USP5: variants seen among roughly 807,000 people sequenced by gnomAD.
The protein encoded by USP5 is ubiquitin carboxyl-terminal hydrolase 5.
USP5 carries 24 observed loss-of-function variants against 102.5 expected under a neutral mutation model. The ratio of observed to expected loss-of-function variants is 0.23; its 90% CI spans 0.17 to 0.33. USP5 has a LOEUF of 0.33. Among genes scored for constraint, USP5 ranks in the 10% least tolerant of loss-of-function variants. The pLI is 1.00. For missense variants in USP5, 753 were observed against 1,122.1 expected (o/e 0.67, Z 4.70); for synonymous variants, 460 against 434.8 (o/e 1.06, Z -0.72).
At position 6,862,468 on chromosome 12, in the gene USP5, A is replaced by T; in HGVS notation, c.1674-2A>T. The T allele has an allele frequency of 6.2e-7, 1 of 1,613,782 alleles. No homozygotes were observed. The highest frequency in any genetic ancestry group is 8.5e-7 in the Non-Finnish European group (1 of 1,179,676). Reference sequence around the variant, plus strand: ...GGTACCAGCACAGTCTCTCTTCCCTAGGACCACACGATTTGCCTCATTCCC... The same window carrying T: ...GGTACCAGCACAGTCTCTCTTCCCTTGGACCACACGATTTGCCTCATTCCC... On this transcript the variant is annotated splice_acceptor_variant, in intron 13 of 19. Coordinates refer to ENST00000229268, the MANE Select transcript of USP5 (RefSeq NM_001098536.2). LOFTEE classifies it high-confidence loss of function.
Position 6,856,819 on chromosome 12 carries a change from G to A in USP5, c.697G>A (p.Ala233Thr), listed in dbSNP as rs1944128262. 3 of 1,614,062 alleles carry A rather than the reference G, an allele frequency of 1.9e-6. No individual in the cohort carries two copies. The highest frequency in any genetic ancestry group is 1.3e-5 in the African/African-American group (1 of 74,922). ...CGATGGCAGTGGGGGCAACAACCAC[G>A]CTGTGGAGCACTACCGAGAGACAGG... The part of the protein sequence containing the change: ...YFDGSGGNNH[A>T]VEHYRETGYP... The change falls in exon 6 of 20, where the codon GCT becomes ACT. Residue 233 changes from alanine (A) to threonine (T), a missense_variant. By Grantham distance (58) the Ala-to-Thr change is moderately conservative. Coordinates refer to ENST00000229268, the MANE Select transcript of USP5 (RefSeq NM_001098536.2). The surrounding 1 kb of genome is among the most constrained non-coding windows in gnomAD (Gnocchi z 5.6).
intron 14 of USP5, among the ~76,000 whole-genome samples, chr12:6,862,820 T>C (rs1463072545): frequency 6.6e-6 from 1 of 152,248 alleles, no homozygotes; most frequent in Non-Finnish European, 1.5e-5. Flanking sequence ...TTTGATAATC[T>C]TGAAACAATT....
chr12:6,854,262 T>C (rs996837048), intron 1 of USP5, among the ~76,000 whole-genome samples: 1 of 152,132 alleles, frequency 6.6e-6, no homozygotes, highest in Non-Finnish European at 1.5e-5. Flanking sequence ...AGGGATCTTA[T>C]TGGTCGGAGG....
intron 1 of USP5, among the ~76,000 whole-genome samples, chr12:6,854,619 A>T (rs1407823093): frequency 1.3e-5 from 2 of 151,070 alleles, no homozygotes; most frequent in African/African-American, 2.4e-5. Context: ...AAATCTAGGC[A>T]TGGTGGCATG....
Position 6,863,716 on chromosome 12 carries a change from T to G in USP5, c.1955-114T>G. The G allele has an allele frequency of 7.0e-7, 1 of 1,428,122 alleles. No individual in the cohort carries two copies. Among genetic ancestry groups the G allele is most frequent in the South Asian group, 1.5e-5 (1 of 68,958 alleles). 88.5% of individuals were successfully genotyped at this position (1,428,122 alleles called of 1,614,324 possible). Reference sequence around the variant, plus strand: ...GGTTTTGGGATAAGGTGCCAATCCATGGGAGAAAAATGCATGGAATGGGTG... The same window carrying G: ...GGTTTTGGGATAAGGTGCCAATCCAGGGGAGAAAAATGCATGGAATGGGTG... On this transcript the variant is annotated intron_variant, in intron 15 of 19. Transcript: ENST00000229268. The surrounding 1 kb of genome is among the most constrained non-coding windows in gnomAD (Gnocchi z 4.7).
chr12:6,852,828 CAG>C (rs1249079472), intron 1 of USP5, among the ~76,000 whole-genome samples: 21 of 152,084 alleles, frequency 1.4e-4, no homozygotes, highest in African/African-American at 1.9e-4. Context: ...TTAAAACAGA[CAG>C]GGGGCGGGGA....
At position 6,855,837 on chromosome 12, in the gene USP5, G is replaced by C; in HGVS notation, c.304+16G>C. The C allele has an allele frequency of 6.2e-7, 1 of 1,614,160 alleles. No individual in the cohort carries two copies. Among genetic ancestry groups the C allele is most frequent in the East Asian group, 2.2e-5 (1 of 44,878 alleles). Reference sequence around the variant, plus strand: ...CTGGCTATTGGTGAGCACCGCTGCAGTCCTATTCTTCTCCCTGAGCTGGTC... The same window carrying C: ...CTGGCTATTGGTGAGCACCGCTGCACTCCTATTCTTCTCCCTGAGCTGGTC... On this transcript the variant is annotated intron_variant, in intron 3 of 19. Coordinates refer to ENST00000229268, the MANE Select transcript of USP5 (RefSeq NM_001098536.2). The surrounding 1 kb of genome is among the most constrained non-coding windows in gnomAD (Gnocchi z 4.6).
chr12:6,866,293 C>T lies in USP5; in HGVS notation c.*216C>T, dbSNP rs1944443739. ...GGAGCAGGACGGGGACGGGAGGGGC[C>T]GGCCACCTGTCTGTAAGGAGACTTT... On this transcript the variant is annotated 3_prime_UTR_variant, in exon 20 of 20. Transcript: ENST00000229268. This position sits in a 1 kb window ranked among gnomAD's most constrained non-coding sequence, Gnocchi z 4.7. The T allele has an allele frequency of 3.7e-6, 2 of 539,640 alleles. No individual in the cohort carries two copies. Among genetic ancestry groups the T allele is most frequent in the East Asian group, 2.9e-5 (1 of 34,416 alleles). The allele number at this position is 539,640 out of a possible 1,614,324, so 33.4% of individuals were successfully genotyped here.
Position 6,866,128 on chromosome 12 carries a change from G to A in USP5, c.*51G>A, listed in dbSNP as rs142385593. 4.5e-4 allele frequency: 683 copies of A among 1,530,904 alleles called. No individual in the cohort carries two copies. The highest frequency in any genetic ancestry group is 5.4e-4 in the Non-Finnish European group (596 of 1,105,098). The allele number at this position is 1,530,904 out of a possible 1,614,324, so 94.8% of individuals were successfully genotyped here. A position where few individuals can be genotyped will look rare whatever the true frequency, so the allele number is the denominator to read the frequency against. ...AGGGCAGGGGAAGACCACCTGGCAT[G>A]AGGGAGAGGGGCTGAGGGATGGACT... On this transcript the variant is annotated 3_prime_UTR_variant, in exon 20 of 20. Transcript: ENST00000229268. This position sits in a 1 kb window ranked among gnomAD's most constrained non-coding sequence, Gnocchi z 4.7.
rs782661625 is a variant in USP5 at position 6,856,788 on chromosome 12, C to T, written c.666C>T (p.Arg222=). Residue 222 remains arginine, a synonymous_variant, in exon 6 of 20, where the codon CGC becomes CGT. Coordinates refer to ENST00000229268, the MANE Select transcript of USP5 (RefSeq NM_001098536.2). This position sits in a 1 kb window ranked among gnomAD's most constrained non-coding sequence, Gnocchi z 5.6. Reference sequence around the variant, plus strand: ...ATGGCTCCATCCTCTGTGGGCGACGCTACTTCGATGGCAGTGGGGGCAACA... The same window carrying T: ...ATGGCTCCATCCTCTGTGGGCGACGTTACTTCGATGGCAGTGGGGGCAACA... The part of the protein sequence containing the change: ...LTDGSILCGR[R]YFDGSGGNNH... 6.2e-7 allele frequency: 1 copy of T among 1,614,196 alleles called. No homozygotes were observed. The highest frequency in any genetic ancestry group is 1.1e-5 in the South Asian group (1 of 91,086).
At position 6,862,506 on chromosome 12, in the gene USP5, C is replaced by T. The variant is rs1555129788; in HGVS notation, c.1710C>T (p.Val570=). 3 of 1,614,198 alleles carry T rather than the reference C, an allele frequency of 1.9e-6. No homozygotes were observed. In the Admixed American group the frequency reaches 5.0e-5, roughly 27 times the overall value. The change falls in exon 14 of 20, where the codon GTC becomes GTT. Residue 570 remains valine (V), a synonymous_variant. Coordinates refer to ENST00000229268, the MANE Select transcript of USP5 (RefSeq NM_001098536.2). ...TRFASFPDYL[V]IQIKKFTFGL... Reference sequence around the variant, plus strand: ...TTGCCTCATTCCCTGACTACCTGGTCATCCAGATCAAGAAGTTCACCTTCG... The same window carrying T: ...TTGCCTCATTCCCTGACTACCTGGTTATCCAGATCAAGAAGTTCACCTTCG...
chr12:6,855,718 G>A lies in USP5; in HGVS notation c.238-37G>A. On this transcript the variant is annotated intron_variant, in intron 2 of 19. Transcript: ENST00000229268. This position sits in a 1 kb window ranked among gnomAD's most constrained non-coding sequence, Gnocchi z 4.6. ...CCTCCCGACTTGTTCCTTCGCTCGTGCTCATTGCTGATCCAGCCCTTCCTG... is the reference window on the plus strand; with the variant it reads ...CCTCCCGACTTGTTCCTTCGCTCGTACTCATTGCTGATCCAGCCCTTCCTG... 2 of 1,613,570 alleles carry A rather than the reference G, an allele frequency of 1.2e-6. No individual in the cohort carries two copies. The highest frequency in any genetic ancestry group is 1.3e-5 in the African/African-American group (1 of 75,038).
At position 6,858,839 on chromosome 12, in the gene USP5, C is replaced by G. The variant is rs144110837; in HGVS notation, c.1058+222C>G. The G allele has an allele frequency of 4.5e-6, 2 of 439,868 alleles. No individual in the cohort carries two copies. Among genetic ancestry groups the G allele is most frequent in the Non-Finnish European group, 8.2e-6 (2 of 243,458 alleles). The allele number at this position is 439,868 out of a possible 1,614,324, so 27.2% of individuals were successfully genotyped here. On this transcript the variant is annotated intron_variant, in intron 8 of 19. Transcript: ENST00000229268. This position sits in a 1 kb window ranked among gnomAD's most constrained non-coding sequence, Gnocchi z 4.2. ...GTTGAGACCAGCCTGGGCAACATAGCGAGACCCTGTCTTCTCTTAAAAAAA... is the reference window on the plus strand; with the variant it reads ...GTTGAGACCAGCCTGGGCAACATAGGGAGACCCTGTCTTCTCTTAAAAAAA...
chr12:6,858,322 T>G lies in USP5; in HGVS notation c.865-102T>G, dbSNP rs987511335. 4 of 1,277,496 alleles carry G rather than the reference T, an allele frequency of 3.1e-6. No homozygotes were observed. Among genetic ancestry groups the G allele is most frequent in the Non-Finnish European group, 4.3e-6 (4 of 926,690 alleles). The allele number at this position is 1,277,496 out of a possible 1,614,324, so 79.1% of individuals were successfully genotyped here. A position where few individuals can be genotyped will look rare whatever the true frequency, so the allele number is the denominator to read the frequency against. On this transcript the variant is annotated intron_variant, in intron 7 of 19. Coordinates refer to ENST00000229268, the MANE Select transcript of USP5 (RefSeq NM_001098536.2). The surrounding 1 kb of genome is among the most constrained non-coding windows in gnomAD (Gnocchi z 4.2). Reference sequence around the variant, plus strand: ...TGTTTGAGCCTGTAATTCCACAAATTCTAGGCCACAGTTGAGTATCATCCT... The same window carrying G: ...TGTTTGAGCCTGTAATTCCACAAATGCTAGGCCACAGTTGAGTATCATCCT...
At chr12:6,857,490 C>T in intron 6 of USP5, 139 bp from the exon 7 acceptor site, 1 of 671,702 alleles carries the variant, frequency 1.5e-6, no homozygotes. Flanking sequence ...TCATATTACT[C>T]ATATTCAAGG....
Position 6,856,483 on chromosome 12 carries a change from C to T in USP5, c.584+33C>T, listed in dbSNP as rs1201563596. On this transcript the variant is annotated intron_variant, in intron 5 of 19. Coordinates refer to ENST00000229268, the MANE Select transcript of USP5 (RefSeq NM_001098536.2). The surrounding 1 kb of genome is among the most constrained non-coding windows in gnomAD (Gnocchi z 5.6). Reference sequence around the variant, plus strand: ...CTGGCCCCTCTGCCTCGGGCACCACCCCCAGAGCAAGGACAAGGAGCCCAC... The same window carrying T: ...CTGGCCCCTCTGCCTCGGGCACCACTCCCAGAGCAAGGACAAGGAGCCCAC... The T allele has an allele frequency of 6.3e-7, 1 of 1,585,142 alleles. No homozygotes were observed. Among genetic ancestry groups the T allele is most frequent in the East Asian group, 2.2e-5 (1 of 44,672 alleles).
Position 6,864,842 on chromosome 12 carries a change from C to T in USP5, c.2365C>T (p.Pro789Ser). 6.2e-7 allele frequency: 1 copy of T among 1,613,874 alleles called. No homozygotes were observed. Among genetic ancestry groups the T allele is most frequent in the Non-Finnish European group, 8.5e-7 (1 of 1,180,016 alleles). ...SAADSISESVPVGPKVRDGPG... is the reference protein window; with the variant it reads ...SAADSISESVSVGPKVRDGPG... ...TGCCGACTCCATCTCTGAGTCTGTG[C>T]CAGTGGGACCTAAAGTCCGGGATGG... is the stretch of plus-strand genomic sequence containing the variant. The change falls in exon 18 of 20, where the codon CCA becomes TCA. Residue 789 changes from proline (P) to serine (S), a missense_variant. Physicochemically the swap from Pro to Ser is moderately conservative, Grantham distance 74. Around this residue, in one of 3 missense-constraint regions of USP5, gnomAD observed 193 missense variants for 230.2 expected, o/e 0.84. Coordinates refer to ENST00000229268, the MANE Select transcript of USP5 (RefSeq NM_001098536.2). The surrounding 1 kb of genome is among the most constrained non-coding windows in gnomAD (Gnocchi z 4.8).
chr12:6,861,149 A>G lies in USP5; in HGVS notation c.1498+43A>G, dbSNP rs781970895. 1.9e-6 allele frequency: 3 copies of G among 1,610,270 alleles called. No homozygotes were observed. Among genetic ancestry groups the G allele is most frequent in the Admixed American group, 3.3e-5 (2 of 59,830 alleles). On this transcript the variant is annotated intron_variant, in intron 12 of 19. Coordinates refer to ENST00000229268, the MANE Select transcript of USP5 (RefSeq NM_001098536.2). The surrounding 1 kb of genome is among the most constrained non-coding windows in gnomAD (Gnocchi z 4.9). ...CAAGGCCGTGGCACGGTGGGAGGCT[A>G]AGGTCTAGGAGGAATGCTTGGGCAC...
At position 6,855,295 on chromosome 12, in the gene USP5, A is replaced by T; in HGVS notation, c.112-106A>T. On this transcript the variant is annotated intron_variant, in intron 1 of 19. Coordinates refer to ENST00000229268, the MANE Select transcript of USP5 (RefSeq NM_001098536.2). The surrounding 1 kb of genome is among the most constrained non-coding windows in gnomAD (Gnocchi z 4.6). ...GGGCCACACAGTGTTAGAGAACAGA[A>T]CATTTCTTCTGGAACCCAGCAGTTT... 6.8e-7 allele frequency: 1 copy of T among 1,476,108 alleles called. No individual in the cohort carries two copies. The allele number at this position is 1,476,108 out of a possible 1,614,324, so 91.4% of individuals were successfully genotyped here.
Sources: gnomAD v4.1 joint callset for allele counts (sites outside exome capture counted in the v4.1 genomes callset) on GRCh38, gnomAD v4.1.1 for gene constraint, gnomAD v4.1.1 regional missense constraint, Gnocchi (gnomAD v3.1) non-coding constraint, MANE v1.5 for transcripts, NCBI Gene and HGNC (gene_info 2026-07-23, HGNC 2026-07-21) for gene names.